The following ARSB variants were observed in gnomAD, a reference collection of about 807,000 sequenced individuals.
ARSB encodes arylsulfatase B, also known as N-acetylgalactosamine-4-sulfatase.
In ARSB, 41 loss-of-function variants were observed where a neutral mutation model predicts 50.9. The observed-to-expected ratio is 0.81, with a 90% CI of 0.63 to 1.04. The LOEUF (loss-of-function observed/expected upper bound fraction) is 1.04, where lower values mean the gene tolerates loss of function less well. Ranked by LOEUF, ARSB falls within the 50% of genes least tolerant of loss-of-function variation. The pLI, the probability that ARSB is intolerant of heterozygous loss-of-function variation, is 0.00. For missense variants in ARSB, 672 were observed against 693.3 expected (o/e 0.97, Z 0.35); for synonymous variants, 269 against 284.8 (o/e 0.94, Z 0.56).
At chr5:78,809,106 T>G (rs781328266) in intron 6 of ARSB, among the ~76,000 whole-genome samples, 1 of 152,226 alleles carries the variant, frequency 6.6e-6, no homozygotes, top group Non-Finnish European at 1.5e-5. Flanking sequence ...GGTCCCTGTC[T>G]TGGACAGATT....
At chr5:78,868,091 G>A (rs1329474584) in intron 5 of ARSB, among the ~76,000 whole-genome samples, 1 of 145,220 alleles carries the variant, frequency 6.9e-6, no homozygotes, top group Non-Finnish European at 1.5e-5. Context: ...ATGAAATGAA[G>A]CAAGAAGGGA....
intron 4 of ARSB, among the ~76,000 whole-genome samples, chr5:78,920,094 T>G (rs1749733061): frequency 6.6e-6 from 1 of 152,120 alleles, no homozygotes; most frequent in Admixed American, 6.5e-5. Context: ...AGGAGGGAAT[T>G]TGGACAGAGG....
intron 4 of ARSB, among the ~76,000 whole-genome samples, chr5:78,935,039 C>T (rs1750519584): frequency 6.6e-6 from 1 of 151,970 alleles, no homozygotes; most frequent in African/African-American, 2.4e-5. Context: ...ATTTTTAAGT[C>T]ATACATTTTT....
intron 6 of ARSB, among the ~76,000 whole-genome samples, chr5:78,818,271 C>T (rs189269): frequency 0.12 from 76 of 648 alleles, no homozygotes; most frequent in East Asian, 0.21. Context: ...ATCTCTGATA[C>T]ACAACTAAGA....
intron 4 of ARSB, among the ~76,000 whole-genome samples, chr5:78,929,039 C>G (rs1750194299): frequency 6.6e-6 from 1 of 152,184 alleles, no homozygotes; most frequent in Non-Finnish European, 1.5e-5. Context: ...TTAACAATCA[C>G]TCAAGCACAG....
In ARSB at chr5:78,862,992, G is replaced by A. The variant is rs143121783; in HGVS notation, c.1142+22592C>T. 5.6e-4 allele frequency among the ~76,000 whole-genome samples: 86 copies of A among 152,228 alleles called. 3 individuals carry two copies. The East Asian group carries it at 0.016, about 28-fold the overall frequency. ...AAAGAAGACATTTATGCAGCCAACA[G>A]ACGCATGAAAAAAATGCTCATCATC... On this transcript the variant is annotated intron_variant, in intron 5 of 7. Coordinates refer to ENST00000264914, the MANE Select transcript of ARSB (RefSeq NM_000046.5).
intron 4 of ARSB, among the ~76,000 whole-genome samples, chr5:78,888,135 T>C (rs1453369844): frequency 6.6e-6 from 1 of 152,226 alleles, no homozygotes; most frequent in African/African-American, 2.4e-5. Flanking sequence ...AATCTCATCA[T>C]TTGACATCAC....
intron 4 of ARSB, among the ~76,000 whole-genome samples, chr5:78,937,668 C>T (rs545787978): frequency 2.0e-5 from 3 of 151,202 alleles, no homozygotes; most frequent in East Asian, 1.9e-4. Context: ...TTTTTTCCTT[C>T]GACTCTGGGA....
chr5:78,937,342 T>TATATGTAAGATAC, intron 4 of ARSB, among the ~76,000 whole-genome samples: 1 of 136,456 alleles, frequency 7.3e-6, no homozygotes, highest in Non-Finnish European at 1.6e-5. Context: ...ATGTAAGATA[T>TATATGTAAGATAC]ATATATCATA....
At position 78,867,037 on chromosome 5, in the gene ARSB, G is replaced by A. The variant is rs555845959; in HGVS notation, c.1142+18547C>T. On this transcript the variant is annotated intron_variant, in intron 5 of 7. Transcript: ENST00000264914. ...CAAGGGGTCAGGGAGTTCCCTTTCC[G>A]AGTCAAAGAAAGGGGTGACAGACGC... 9.2e-5 allele frequency among the ~76,000 whole-genome samples: 14 copies of A among 152,272 alleles called. No individual in the cohort carries two copies. In the East Asian group the frequency reaches 1.9e-3, roughly 21 times the overall value.
At chr5:78,790,718 G>T (rs916996970) in intron 6 of ARSB, among the ~76,000 whole-genome samples, 1 of 152,092 alleles carries the variant, frequency 6.6e-6, no homozygotes, top group Non-Finnish European at 1.5e-5. Flanking sequence ...ATTATCATCA[G>T]TATAATATAG....
At chr5:78,971,099 G>T (rs1752435634) in intron 1 of ARSB, among the ~76,000 whole-genome samples, 1 of 152,206 alleles carries the variant, frequency 6.6e-6, no homozygotes, top group South Asian at 2.1e-4. Context: ...AAACTTCAAA[G>T]GCCCTGAGAC....
intron 5 of ARSB, among the ~76,000 whole-genome samples, chr5:78,858,290 T>C (rs543852833): frequency 6.6e-6 from 1 of 152,366 alleles, no homozygotes; most frequent in East Asian, 1.9e-4. Flanking sequence ...TGAAAACTTA[T>C]AAAGTAGTAT....
At chr5:78,912,675 A>G (rs940188323) in intron 4 of ARSB, among the ~76,000 whole-genome samples, 2 of 152,176 alleles carry the variant, frequency 1.3e-5, no homozygotes, top group Non-Finnish European at 2.9e-5. Flanking sequence ...TCAACCAAAC[A>G]TGATGTCACA....
At chr5:78,923,469 G>A (rs115043622) in intron 4 of ARSB, among the ~76,000 whole-genome samples, 1,821 of 152,312 alleles carry the variant, frequency 0.012, 31 homozygotes, top group African/African-American at 0.042. Context: ...GGTGCTTCAA[G>A]CATCTGCAGT....
At chr5:78,828,865 A>G (rs1744552288) in intron 6 of ARSB, among the ~76,000 whole-genome samples, 1 of 152,178 alleles carries the variant, frequency 6.6e-6, no homozygotes, top group African/African-American at 2.4e-5. Context: ...TCAAATAGGG[A>G]GGTGATTCTA....
chr5:78,833,149 C>T (rs1367604034), intron 6 of ARSB, among the ~76,000 whole-genome samples: 1 of 152,112 alleles, frequency 6.6e-6, no homozygotes, highest in Non-Finnish European at 1.5e-5. Context: ...GAATTTGGGG[C>T]TGGAGCTCTC....
chr5:78,885,462 A>G, intron 5 of ARSB, 122 bp downstream of exon 5: 1 of 1,426,492 alleles, frequency 7.0e-7, no homozygotes, highest in Non-Finnish European at 9.4e-7. Context: ...TATTTTTCTT[A>G]AAAATCATGT....
chr5:78,850,583 T>A (rs1329756146), intron 5 of ARSB, among the ~76,000 whole-genome samples: 2 of 152,178 alleles, frequency 1.3e-5, no homozygotes, highest in East Asian at 3.8e-4. Context: ...TAAAATGAGT[T>A]AGGGAGGATT....
Sources: allele counts gnomAD v4.1 joint callset (sites outside exome capture counted in the v4.1 genomes callset), GRCh38; gene constraint gnomAD v4.1.1; transcripts MANE v1.5; gene names NCBI Gene and HGNC (gene_info 2026-07-23, HGNC 2026-07-21).